CGRRF1: variants seen among roughly 807,000 people sequenced by gnomAD.
CGRRF1 encodes the protein cell growth regulator with RING finger domain protein 1.
In CGRRF1, 32 loss-of-function variants were observed where a neutral mutation model predicts 37.2. The ratio of observed to expected loss-of-function variants is 0.86; its 90% CI spans 0.65 to 1.16. The LOEUF (loss-of-function observed/expected upper bound fraction) is 1.16. Ranked by LOEUF, CGRRF1 falls within the 50% of genes most tolerant of loss-of-function variation. The pLI is 0.00. For missense variants in CGRRF1, 391 were observed against 382.6 expected (o/e 1.02, Z -0.18); for synonymous variants, 141 against 140.3 (o/e 1.00, Z -0.04).
chr14:54,511,089 A>C (rs931803410), intron 1 of CGRRF1, among the ~76,000 whole-genome samples: 1 of 152,256 alleles, frequency 6.6e-6, no homozygotes, highest in Non-Finnish European at 1.5e-5. Context: ...GGCAGAGAAC[A>C]TGTTAGTGAA....
intron 1 of CGRRF1, among the ~76,000 whole-genome samples, chr14:54,520,100 C>T (rs1566508160): frequency 6.6e-6 from 1 of 151,944 alleles, no homozygotes; most frequent in East Asian, 1.9e-4. Context: ...ATACACAAAT[C>T]TTATTTTTTA....
chr14:54,537,941 C>G, intron 5 of CGRRF1, 112 bp downstream of exon 5: 1 of 1,490,200 alleles, frequency 6.7e-7, no homozygotes, highest in South Asian at 1.3e-5. Context: ...CAGAAGATAA[C>G]TAACTGTTCT....
At chr14:54,525,649 A>T (rs1365307753) in intron 2 of CGRRF1, among the ~76,000 whole-genome samples, 1 of 152,264 alleles carries the variant, frequency 6.6e-6, no homozygotes. Flanking sequence ...TATACAGAAC[A>T]TTAAAATAAT....
intron 5 of CGRRF1, 33 bp from the exon 6 acceptor site, chr14:54,538,027 TATA>T: frequency 2.0e-6 from 3 of 1,492,682 alleles, no homozygotes; most frequent in Non-Finnish European, 2.7e-6. Flanking sequence ...AATTGTTATT[TATA>T]ATAATCTTTA....
At chr14:54,514,104 G>T (rs2032178241) in intron 1 of CGRRF1, among the ~76,000 whole-genome samples, 1 of 152,022 alleles carries the variant, frequency 6.6e-6, no homozygotes, top group Admixed American at 6.6e-5. Context: ...CTTTGCAAAG[G>T]GCTATCCACA....
intron 4 of CGRRF1, chr14:54,537,433 G>A (rs989765105): frequency 1.1e-5 from 2 of 184,604 alleles, no homozygotes; most frequent in African/African-American, 4.7e-5. Context: ...TCCTTCTTTA[G>A]TCCTCTCAAA....
At chr14:54,513,799 C>G (rs1167428323) in intron 1 of CGRRF1, among the ~76,000 whole-genome samples, 1 of 152,050 alleles carries the variant, frequency 6.6e-6, no homozygotes, top group Non-Finnish European at 1.5e-5. Context: ...AACTCGGTCT[C>G]TACAAAAAAT....
chr14:54,533,857 G>C (rs1594657030), intron 4 of CGRRF1, among the ~76,000 whole-genome samples: 1 of 151,774 alleles, frequency 6.6e-6, no homozygotes, highest in South Asian at 2.1e-4. Context: ...AGAAAGTGTA[G>C]ATAAGCCAAA....
intron 2 of CGRRF1, among the ~76,000 whole-genome samples, chr14:54,527,793 C>A (rs576755490): frequency 1.3e-5 from 2 of 150,474 alleles, no homozygotes; most frequent in East Asian, 3.9e-4. Flanking sequence ...GGGTCTCACT[C>A]TGTCATCCAG....
At position 54,538,158 on chromosome 14, in the gene CGRRF1, A is replaced by G; in HGVS notation, c.774A>G (p.Gly258=). 1 of 1,614,084 alleles carries G rather than the reference A, an allele frequency of 6.2e-7. No homozygotes were observed. The highest frequency in any genetic ancestry group is 8.5e-7 in the Non-Finnish European group (1 of 1,180,002). Residue 258 remains glycine, a synonymous_variant, in exon 6 of 6, where the codon GGA becomes GGG. Transcript: ENST00000216420. Reference sequence around the variant, plus strand: ...ACAGAAGTTTGTTGGAAAAGGTGGGACTCTCTGAAAGTGAAGTTGAGCCAT... The same window carrying G: ...ACAGAAGTTTGTTGGAAAAGGTGGGGCTCTCTGAAAGTGAAGTTGAGCCAT... The part of the protein sequence containing the change: ...NTDRSLLEKV[G]LSESEVEPSE...
chr14:54,514,525 C>T (rs1020730824), intron 1 of CGRRF1, among the ~76,000 whole-genome samples: 2 of 152,186 alleles, frequency 1.3e-5, no homozygotes, highest in South Asian at 4.1e-4. Context: ...GTTTGTTGTA[C>T]AGATTATTTC....
At chr14:54,536,816 A>G (rs878959956) in intron 4 of CGRRF1, 1 of 152,056 alleles carries the variant, frequency 6.6e-6, no homozygotes, top group Non-Finnish European at 1.5e-5. Context: ...GACTTTGTTT[A>G]TGGTGCTTTT....
chr14:54,539,249 G>A lies in CGRRF1; in HGVS notation c.*866G>A, dbSNP rs2032653233. On this transcript the variant is annotated 3_prime_UTR_variant, in exon 6 of 6. Transcript: ENST00000216420. ...AAACAAATAACTATTTTTTTCTAGT[G>A]TATTTTTATTCCAAATAAACCCTGT... 1 of 152,138 alleles carries A rather than the reference G, an allele frequency of 6.6e-6. No homozygotes were observed. The allele number at this position is 152,138 out of a possible 1,614,324, so 9.4% of individuals were successfully genotyped here.
Position 54,509,956 on chromosome 14 carries a change from C to T in CGRRF1, c.-4C>T. 6.2e-7 allele frequency: 1 copy of T among 1,609,866 alleles called. No homozygotes were observed. Among genetic ancestry groups the T allele is most frequent in the Non-Finnish European group, 8.5e-7 (1 of 1,176,140 alleles). ...AGCCGGGCTCTACCCAGAGCAAGAC[C>T]CTGATGGCTGCGGTGTTTCTGGTAA... On this transcript the variant is annotated 5_prime_UTR_variant, in exon 1 of 6. Coordinates refer to ENST00000216420, the MANE Select transcript of CGRRF1 (RefSeq NM_006568.3).
chr14:54,524,398 T>TTTG (rs2032376155), intron 2 of CGRRF1, among the ~76,000 whole-genome samples: 1 of 151,320 alleles, frequency 6.6e-6, no homozygotes, highest in South Asian at 2.1e-4. Context: ...TTTTTTTTTT[T>TTTG]TTTTCGAGAC....
intron 1 of CGRRF1, among the ~76,000 whole-genome samples, chr14:54,520,945 C>G (rs188425948): frequency 6.6e-6 from 1 of 152,222 alleles, no homozygotes; most frequent in African/African-American, 2.4e-5. Flanking sequence ...ACTGTGCCGT[C>G]TTTAACTAAA....
At chr14:54,534,667 A>G (rs2032572303) in intron 4 of CGRRF1, among the ~76,000 whole-genome samples, 2 of 152,216 alleles carry the variant, frequency 1.3e-5, no homozygotes, top group Admixed American at 1.3e-4. Flanking sequence ...TCCTATTGTT[A>G]GCATTTCTGT....
At position 54,531,187 on chromosome 14, in the gene CGRRF1, G is replaced by T; in HGVS notation, c.570+137G>T. The stretch of plus-strand genomic sequence containing the variant: ...GCCTACAACAACTATATACCTATTT[G>T]GTTTTTATATGTGAAACAGTACCTT... On this transcript the variant is annotated intron_variant, in intron 4 of 5. Coordinates refer to ENST00000216420, the MANE Select transcript of CGRRF1 (RefSeq NM_006568.3). 6.1e-6 allele frequency: 4 copies of T among 660,496 alleles called. No individual in the cohort carries two copies. The South Asian group carries it at 6.6e-5, about 11-fold the overall frequency. The allele number at this position is 660,496 out of a possible 1,614,324, so 40.9% of individuals were successfully genotyped here.
chr14:54,531,195 T>C (rs916698992), intron 4 of CGRRF1, 145 bp downstream of exon 4: 76 of 625,130 alleles, frequency 1.2e-4, no homozygotes, highest in Non-Finnish European at 2.0e-4. Flanking sequence ...TTGGTTTTTA[T>C]ATGTGAAACA....
Sources: allele counts gnomAD v4.1 joint callset (sites outside exome capture counted in the v4.1 genomes callset), GRCh38; gene constraint gnomAD v4.1.1; transcripts MANE v1.5; gene names NCBI Gene and HGNC (gene_info 2026-07-23, HGNC 2026-07-21).